The following GRM8 variants were observed in gnomAD, a reference collection of about 807,000 sequenced individuals.
GRM8 encodes metabotropic glutamate receptor 8.
Under a neutral mutation model 87.2 loss-of-function variants are expected in GRM8, and 47 were observed. That is an observed-to-expected ratio of 0.54 (90% CI 0.43 to 0.69). GRM8 has a LOEUF of 0.69. GRM8 is among the 30% of genes least tolerant of loss of function. The probability of loss-of-function intolerance (pLI) is 0.00; values close to 1 mark genes in which losing one functional copy is unlikely to be tolerated. For synonymous variants in GRM8, 396 were observed against 404.5 expected (o/e 0.98, Z 0.25); for missense variants, 1,019 against 1,139.2 (o/e 0.89, Z 1.52).
At chr7:126,916,780 T>C (rs1803951238) in intron 3 of GRM8, among the ~76,000 whole-genome samples, 1 of 152,174 alleles carries the variant, frequency 6.6e-6, no homozygotes, top group Non-Finnish European at 1.5e-5. Flanking sequence ...GCAAGGGTTG[T>C]ACAATGACCA....
intron 6 of GRM8, among the ~76,000 whole-genome samples, chr7:126,804,849 G>T (rs985175060): frequency 6.6e-6 from 1 of 152,126 alleles, no homozygotes; most frequent in East Asian, 1.9e-4. Context: ...TTAATAATTT[G>T]TAGGACTTTC....
intron 3 of GRM8, among the ~76,000 whole-genome samples, chr7:127,044,245 CCT>C (rs1313659376): frequency 1.3e-5 from 2 of 152,194 alleles, no homozygotes; most frequent in African/African-American, 4.8e-5. Flanking sequence ...AGACACACAC[CCT>C]CTCTCTGAAG....
rs145174872 is a variant in GRM8, at chr7:126,815,831, T to C, written c.1157-45766A>G. Among the ~76,000 whole-genome samples, 11 of 152,210 alleles carry C rather than the reference T, an allele frequency of 7.2e-5. No homozygotes were observed. The East Asian group carries it at 1.9e-3, about 27-fold the overall frequency. On this transcript the variant is annotated intron_variant, in intron 6 of 10. Coordinates refer to ENST00000339582, the MANE Select transcript of GRM8 (RefSeq NM_000845.3). The stretch of plus-strand genomic sequence containing the variant: ...CTTAGATACTTCTGTGCAGCCACTC[T>C]CTTATCAGATGATAGCCATGATGAT...
intron 8 of GRM8, among the ~76,000 whole-genome samples, chr7:126,558,881 A>C (rs977630369): frequency 6.6e-6 from 1 of 152,188 alleles, no homozygotes; most frequent in Non-Finnish European, 1.5e-5. Context: ...CATTGCAAAG[A>C]CCAAAGTAGT....
At chr7:126,673,465 TC>T (rs1257898421) in intron 7 of GRM8, among the ~76,000 whole-genome samples, 3 of 152,128 alleles carry the variant, frequency 2.0e-5, no homozygotes, top group Admixed American at 1.3e-4. Context: ...TGAGACAAAT[TC>T]TATGTTGCCT....
intron 7 of GRM8, among the ~76,000 whole-genome samples, chr7:126,759,016 G>T (rs1817311254): frequency 6.6e-6 from 1 of 152,008 alleles, no homozygotes. Flanking sequence ...TCCTGCCTCA[G>T]CCTCCCTAGC....
At chr7:127,097,191 T>C (rs1008970190) in intron 3 of GRM8, among the ~76,000 whole-genome samples, 2 of 152,178 alleles carry the variant, frequency 1.3e-5, no homozygotes, top group South Asian at 2.1e-4. Flanking sequence ...GCAGGGACCC[T>C]GGAAGCACAT....
chr7:126,613,589 C>T (rs1225841826), intron 7 of GRM8, among the ~76,000 whole-genome samples: 1 of 152,164 alleles, frequency 6.6e-6, no homozygotes, highest in Admixed American at 6.5e-5. Flanking sequence ...CATCGCCTCA[C>T]CCGGAAAGTG....
Position 126,997,807 on chromosome 7 carries a change from A to C in GRM8, c.728-93124T>G, listed in dbSNP as rs148126296. 2.6e-3 allele frequency among the ~76,000 whole-genome samples: 397 copies of C among 152,072 alleles called. 4 individuals are homozygous for C. The highest frequency in any genetic ancestry group is 9.2e-3 in the African/African-American group (381 of 41,560). ...AGCTGTAATGAAAAGCCTGCCAGTA[A>C]AGAAAAGCCTGGGAACCAATGGCTT... On this transcript the variant is annotated intron_variant, in intron 3 of 10. Transcript: ENST00000339582.
At chr7:126,888,224 T>G (rs1479423725) in intron 6 of GRM8, among the ~76,000 whole-genome samples, 2 of 152,068 alleles carry the variant, frequency 1.3e-5, no homozygotes, top group African/African-American at 2.4e-5. Context: ...CTGCCAGTAC[T>G]TTTCACTTCC....
chr7:126,748,376 A>T (rs1815964303), intron 7 of GRM8, among the ~76,000 whole-genome samples: 1 of 152,126 alleles, frequency 6.6e-6, no homozygotes, highest in African/African-American at 2.4e-5. Flanking sequence ...TTATTTTTTA[A>T]ATAATTGCAC....
Position 127,192,700 on chromosome 7 carries a change from T to G in GRM8, c.510+49995A>C, listed in dbSNP as rs1285748184. 2.0e-5 allele frequency among the ~76,000 whole-genome samples: 3 copies of G among 152,228 alleles called. No individual in the cohort carries two copies. The East Asian group carries it at 5.8e-4, about 29-fold the overall frequency. ...TCATGTTCTACGCAAGTACAAGGAC[T>G]GGGCTGCCATCCTTACATTCTTCAT... On this transcript the variant is annotated intron_variant, in intron 2 of 10. Transcript: ENST00000339582.
chr7:126,671,791 C>G (rs1806409536), intron 7 of GRM8, among the ~76,000 whole-genome samples: 2 of 152,190 alleles, frequency 1.3e-5, no homozygotes, highest in Admixed American at 1.3e-4. Context: ...GTGTCATCCA[C>G]CGAAATCCCA....
At chr7:126,657,850 C>T (rs1303576439) in intron 7 of GRM8, among the ~76,000 whole-genome samples, 2 of 152,232 alleles carry the variant, frequency 1.3e-5, no homozygotes, top group South Asian at 2.1e-4. Flanking sequence ...TGATTTAAAG[C>T]GTGCAGGAAA....
At chr7:126,519,408 GT>G (rs1272905001) in intron 9 of GRM8, among the ~76,000 whole-genome samples, 1 of 152,030 alleles carries the variant, frequency 6.6e-6, no homozygotes, top group Non-Finnish European at 1.5e-5. Context: ...AGTTTGGAAA[GT>G]TTGGATTTGA....
chr7:127,023,209 A>T (rs770794734), intron 3 of GRM8, among the ~76,000 whole-genome samples: 50 of 152,234 alleles, frequency 3.3e-4, no homozygotes, highest in Non-Finnish European at 5.7e-4. Flanking sequence ...GAAAATTTAA[A>T]CAATTATAAA....
At chr7:127,078,618 G>A (rs1338250065) in intron 3 of GRM8, among the ~76,000 whole-genome samples, 2 of 152,196 alleles carry the variant, frequency 1.3e-5, no homozygotes, top group East Asian at 3.8e-4. Context: ...GACTCAACAT[G>A]GCTCTTAGAG....
intron 2 of GRM8, among the ~76,000 whole-genome samples, chr7:127,129,405 C>T (rs1011961226): frequency 6.6e-5 from 10 of 152,132 alleles, no homozygotes; most frequent in African/African-American, 2.4e-4. Context: ...GGACATAAAA[C>T]CAAACTTCTT....
rs557563418 is a variant in GRM8 at position 127,021,050 on chromosome 7, G to A, written c.727+85446C>T. ...TATTCTTTCAACTTTAGTTTTAAAT[G>A]CTTACAAGGAATAACATCTTCACAT... On this transcript the variant is annotated intron_variant, in intron 3 of 10. Coordinates refer to ENST00000339582, the MANE Select transcript of GRM8 (RefSeq NM_000845.3). Among the ~76,000 whole-genome samples, 7 of 152,136 alleles carry A rather than the reference G, an allele frequency of 4.6e-5. No homozygotes were observed. In the South Asian group the frequency reaches 1.2e-3, roughly 27 times the overall value.
Sources: gnomAD v4.1 joint callset for allele counts (sites outside exome capture counted in the v4.1 genomes callset) on GRCh38, gnomAD v4.1.1 for gene constraint, MANE v1.5 for transcripts, NCBI Gene and HGNC (gene_info 2026-07-23, HGNC 2026-07-21) for gene names.